PI4K2A: variants seen among roughly 807,000 people sequenced by gnomAD.
PI4K2A encodes phosphatidylinositol 4-kinase type 2-alpha.
In PI4K2A, 20 loss-of-function variants were observed where a neutral mutation model predicts 55.0. The observed-to-expected ratio is 0.36, with a 90% CI of 0.26 to 0.53. The LOEUF (loss-of-function observed/expected upper bound fraction) is 0.53. PI4K2A is among the 20% of genes least tolerant of loss of function. PI4K2A has a pLI of 0.91. For missense variants in PI4K2A, 463 were observed against 637.1 expected (o/e 0.73, Z 2.94); for synonymous variants, 235 against 258.5 (o/e 0.91, Z 0.87).
At chr10:97,673,328 G>A (rs970574382) in intron 8 of PI4K2A, among the ~76,000 whole-genome samples, 2 of 152,078 alleles carry the variant, frequency 1.3e-5, no homozygotes, top group South Asian at 2.1e-4. Flanking sequence ...ACTCTGCGTC[G>A]TTCTTTTGTA....
At chr10:97,658,746 TTTTCTGTTG>T (rs1440909602) in intron 4 of PI4K2A, among the ~76,000 whole-genome samples, 1 of 152,190 alleles carries the variant, frequency 6.6e-6, no homozygotes, top group African/African-American at 2.4e-5. Flanking sequence ...CTGCTGAATG[TTTTCTGTTG>T]TTTTGATAGT....
At chr10:97,657,751 A>G (rs1186987228) in intron 4 of PI4K2A, among the ~76,000 whole-genome samples, 17 of 152,162 alleles carry the variant, frequency 1.1e-4, no homozygotes, top group Non-Finnish European at 2.5e-4. Flanking sequence ...TGCATGTAAC[A>G]TAAAATTTAT....
chr10:97,671,816 T>G (rs1420321149), intron 8 of PI4K2A, among the ~76,000 whole-genome samples: 1 of 151,586 alleles, frequency 6.6e-6, no homozygotes. Context: ...ATTTTTGTAT[T>G]TTTGTAGAGA....
At chr10:97,670,204 A>G (rs985968320) in intron 8 of PI4K2A, among the ~76,000 whole-genome samples, 2 of 152,050 alleles carry the variant, frequency 1.3e-5, no homozygotes, top group Admixed American at 6.5e-5. Flanking sequence ...CCAGCCCAAC[A>G]TTTTCAAAGA....
intron 8 of PI4K2A, among the ~76,000 whole-genome samples, chr10:97,670,520 A>G (rs2041629620): frequency 6.6e-6 from 1 of 152,192 alleles, no homozygotes; most frequent in African/African-American, 2.4e-5. Context: ...TTTTGAAAAT[A>G]AGTAGTAGAC....
chr10:97,672,494 A>G (rs2041641073), intron 8 of PI4K2A, among the ~76,000 whole-genome samples: 1 of 152,136 alleles, frequency 6.6e-6, no homozygotes, highest in African/African-American at 2.4e-5. Flanking sequence ...CTTTGCATCT[A>G]ACACAACATT....
chr10:97,666,631 T>A (rs772092541), intron 7 of PI4K2A, 60 bp downstream of exon 7: 103 of 1,458,768 alleles, frequency 7.1e-5, no homozygotes, highest in Non-Finnish European at 8.9e-5. Flanking sequence ...TAATGGTTTT[T>A]TTAATTGGTC....
At chr10:97,672,887 C>G (rs2041643394) in intron 8 of PI4K2A, among the ~76,000 whole-genome samples, 1 of 151,128 alleles carries the variant, frequency 6.6e-6, no homozygotes, top group African/African-American at 2.4e-5. Flanking sequence ...TGCACCACCC[C>G]ACCTGGCTAA....
chr10:97,640,853 AGTGGCGGCGGCGGCCGGCTCGGGCCC>A lies in PI4K2A; in HGVS notation c.112_137del (p.Val38LeufsTer63). ...CGCAGGTGCCCGGGGGCGCGGTCCG[AGTGGCGGCGGCGGCCGGCTCGGGCCC>A]CTCTCCGCCGGGCTCGCCGGGCCAC... On this transcript the variant is annotated frameshift_variant, in exon 1 of 9. Transcript: ENST00000370631. LOFTEE classifies it high-confidence loss of function. 7.4e-7 allele frequency: 1 copy of A among 1,347,824 alleles called. No homozygotes were observed. The highest frequency in any genetic ancestry group is 9.5e-7 in the Non-Finnish European group (1 of 1,048,928). 83.5% of individuals were successfully genotyped at this position (1,347,824 alleles called of 1,614,324 possible).
intron 4 of PI4K2A, among the ~76,000 whole-genome samples, chr10:97,658,501 T>C (rs2041566516): frequency 6.6e-6 from 1 of 152,214 alleles, no homozygotes; most frequent in South Asian, 2.1e-4. Context: ...TGAACATGGG[T>C]GTACAAATAT....
intron 6 of PI4K2A, among the ~76,000 whole-genome samples, chr10:97,665,807 G>T (rs556845414): frequency 4.0e-5 from 6 of 149,676 alleles, no homozygotes; most frequent in Non-Finnish European, 8.9e-5. Flanking sequence ...TAGCCAAGAT[G>T]ATCTCAATCT....
intron 8 of PI4K2A, among the ~76,000 whole-genome samples, chr10:97,672,141 C>T (rs1319869088): frequency 6.6e-6 from 1 of 151,690 alleles, no homozygotes; most frequent in Non-Finnish European, 1.5e-5. Flanking sequence ...CTCCTGGGTT[C>T]AAGCGATTCT....
intron 5 of PI4K2A, among the ~76,000 whole-genome samples, chr10:97,663,826 T>TAAAAA (rs35736231): frequency 1.7e-5 from 2 of 118,302 alleles, no homozygotes; most frequent in Non-Finnish European, 3.6e-5. Context: ...TCTCAAAAAT[T>TAAAAA]AAAAAAAAAA....
intron 8 of PI4K2A, among the ~76,000 whole-genome samples, chr10:97,672,875 T>G (rs1422202589): frequency 6.6e-6 from 1 of 150,896 alleles, no homozygotes; most frequent in Non-Finnish European, 1.5e-5. Flanking sequence ...GGATTACAGG[T>G]GTGCACCACC....
At chr10:97,671,354 A>G (rs970996671) in intron 8 of PI4K2A, among the ~76,000 whole-genome samples, 1 of 152,080 alleles carries the variant, frequency 6.6e-6, no homozygotes, top group South Asian at 2.1e-4. Flanking sequence ...TGGGAGGCCA[A>G]ATTGGGAGGG....
intron 2 of PI4K2A, among the ~76,000 whole-genome samples, chr10:97,655,092 G>A (rs148632249): frequency 0.01 from 1,550 of 152,144 alleles, 27 homozygotes; most frequent in African/African-American, 0.034. Context: ...AAAAGGGCCC[G>A]GGCACAGTGG....
intron 4 of PI4K2A, among the ~76,000 whole-genome samples, chr10:97,659,283 C>T (rs2135757549): frequency 6.6e-6 from 1 of 152,254 alleles, no homozygotes; most frequent in African/African-American, 2.4e-5. Flanking sequence ...GTCCTCCTAC[C>T]TCAGCCTCTC....
chr10:97,642,845 TCCTTC>T (rs1564772254), intron 1 of PI4K2A, among the ~76,000 whole-genome samples: 2,454 of 40,948 alleles, frequency 0.06, 185 homozygotes, highest in East Asian at 0.21. Flanking sequence ...CTTCCTTCCT[TCCTTC>T]CTTTCTTTCT....
intron 1 of PI4K2A, among the ~76,000 whole-genome samples, chr10:97,644,427 T>C (rs1338728353): frequency 6.6e-6 from 1 of 152,202 alleles, no homozygotes; most frequent in Admixed American, 6.5e-5. Context: ...TTTGACTATA[T>C]GTGACAGATA....
Sources: gnomAD v4.1 joint callset for allele counts (sites outside exome capture counted in the v4.1 genomes callset) on GRCh38, gnomAD v4.1.1 for gene constraint, MANE v1.5 for transcripts, NCBI Gene and HGNC (gene_info 2026-07-23, HGNC 2026-07-21) for gene names.